Variants in RNF115 observed in about 807,000 individuals in gnomAD.
RNF115 encodes E3 ubiquitin-protein ligase RNF115.
A neutral mutation model predicts 39.2 loss-of-function variants in RNF115; 31 were observed. The observed-to-expected ratio is 0.79, with a 90% CI of 0.59 to 1.07. The LOEUF (loss-of-function observed/expected upper bound fraction) is 1.07. Ranked by LOEUF, RNF115 falls within the 50% of genes least tolerant of loss-of-function variation. The pLI is 0.00. For synonymous variants in RNF115, 124 were observed against 131.0 expected (o/e 0.95, Z 0.37); for missense variants, 384 against 381.7 (o/e 1.01, Z -0.05).
chr1:145,772,034 T>A, intron 3 of RNF115, 115 bp from the exon 4 acceptor site: 1 of 800,636 alleles, frequency 1.2e-6, no homozygotes, highest in South Asian at 1.8e-5. Context: ...TATGTCTTCT[T>A]CTGCAGAGGT....
intron 3 of RNF115, among the ~76,000 whole-genome samples, chr1:145,775,356 TTATAACAATATATAATAA>T (rs1190749090): frequency 6.6e-6 from 1 of 151,784 alleles, no homozygotes; most frequent in Non-Finnish European, 1.5e-5. Context: ...AATAGAACAG[TTATAACAATATATAATAA>T]TAAAAGTTTT....
At chr1:145,765,570 C>G (rs954802080) in intron 4 of RNF115, among the ~76,000 whole-genome samples, 2 of 152,068 alleles carry the variant, frequency 1.3e-5, no homozygotes, top group African/African-American at 2.4e-5. Context: ...CTTTTGATTT[C>G]TTGATACTTG....
intron 4 of RNF115, among the ~76,000 whole-genome samples, chr1:145,755,357 GA>G (rs587712825): frequency 2.6e-3 from 389 of 152,162 alleles, no homozygotes; most frequent in African/African-American, 9.0e-3. Flanking sequence ...ATGTGATGAG[GA>G]ACTGAGTACT....
At chr1:145,764,697 C>T (rs587727160) in intron 4 of RNF115, among the ~76,000 whole-genome samples, 12 of 151,968 alleles carry the variant, frequency 7.9e-5, no homozygotes, top group African/African-American at 2.4e-4. Flanking sequence ...CCACTCGGTC[C>T]GGGAGGGAGG....
chr1:145,794,466 T>C (rs1553719510), intron 1 of RNF115, among the ~76,000 whole-genome samples: 1 of 148,058 alleles, frequency 6.8e-6, no homozygotes, highest in African/African-American at 2.5e-5. Context: ...ACTATTTCCC[T>C]AACTTTCTGC....
In RNF115 at chr1:145,808,985, C is replaced by T. The variant is rs182661351; in HGVS notation, c.102+14787G>A. On this transcript the variant is annotated intron_variant, in intron 1 of 8. Transcript: ENST00000582693. ...TTAAAGTAACTCTGCCTACAAAGCC[C>T]ATCAGCTGTTTATCTGAAAGGCATG... is the stretch of plus-strand genomic sequence containing the variant. Among the ~76,000 whole-genome samples, 12 of 152,210 alleles carry T rather than the reference C, an allele frequency of 7.9e-5. No individual in the cohort carries two copies. The East Asian group carries it at 2.3e-3, about 29-fold the overall frequency.
intron 1 of RNF115, among the ~76,000 whole-genome samples, chr1:145,800,762 C>G (rs930029628): frequency 5.3e-5 from 8 of 152,176 alleles, no homozygotes; most frequent in Non-Finnish European, 1.0e-4. Flanking sequence ...CCAGCTGAAC[C>G]CTGTCAATCC....
intron 4 of RNF115, among the ~76,000 whole-genome samples, chr1:145,764,796 G>A (rs1476198862): frequency 6.6e-6 from 1 of 151,176 alleles, no homozygotes; most frequent in Non-Finnish European, 1.5e-5. Context: ...CATCCGGGAG[G>A]GAGATGGGGG....
intron 1 of RNF115, among the ~76,000 whole-genome samples, chr1:145,804,040 A>T (rs1405270742): frequency 1.3e-5 from 2 of 152,258 alleles, no homozygotes; most frequent in Non-Finnish European, 2.9e-5. Context: ...TGAGCCAAAA[A>T]GTATAGATGT....
intron 6 of RNF115, among the ~76,000 whole-genome samples, 169 bp downstream of exon 6, chr1:145,751,269 G>A (rs1658076349): frequency 6.6e-6 from 1 of 152,180 alleles, no homozygotes; most frequent in Admixed American, 6.5e-5. Flanking sequence ...CATGGATGCT[G>A]AGCTAACCCC....
intron 3 of RNF115, among the ~76,000 whole-genome samples, chr1:145,778,640 C>T (rs782807943): frequency 2.0e-5 from 3 of 152,256 alleles, no homozygotes; most frequent in African/African-American, 7.2e-5. Flanking sequence ...CTCATCACCC[C>T]GAAATGTTTC....
At chr1:145,797,585 C>A (rs1553720300) in intron 1 of RNF115, among the ~76,000 whole-genome samples, 2 of 152,148 alleles carry the variant, frequency 1.3e-5, no homozygotes, top group Non-Finnish European at 2.9e-5. Context: ...TCTTAGCTAT[C>A]CTGAATGTGC....
chr1:145,758,198 T>C (rs1217322680), intron 4 of RNF115, among the ~76,000 whole-genome samples: 2 of 152,050 alleles, frequency 1.3e-5, no homozygotes, highest in African/African-American at 4.8e-5. Context: ...AAAAAGATAT[T>C]ATGGGTTTTT....
At chr1:145,769,913 G>A (rs1647558643) in intron 4 of RNF115, among the ~76,000 whole-genome samples, 1 of 152,142 alleles carries the variant, frequency 6.6e-6, no homozygotes, top group Admixed American at 6.6e-5. Flanking sequence ...AGGCTGAAGT[G>A]GGAGGATTGC....
intron 1 of RNF115, among the ~76,000 whole-genome samples, chr1:145,820,620 C>T (rs186821662): frequency 8.2e-4 from 125 of 152,182 alleles, no homozygotes; most frequent in African/African-American, 2.8e-3. Flanking sequence ...CCTGTAGTCC[C>T]CACTACTTGG....
rs140641796 is a variant in RNF115, at chr1:145,799,842, C to T, written c.103-10876G>A. ...CTCCTGGACTCAAGTGATCCTCCCA[C>T]CTTGGCCTCCCAGAGTGCTGGAATT... On this transcript the variant is annotated intron_variant, in intron 1 of 8. Transcript: ENST00000582693. 5.7e-3 allele frequency among the ~76,000 whole-genome samples: 861 copies of T among 152,166 alleles called. 13 individuals carry two copies. Among genetic ancestry groups the T allele is most frequent in the African/African-American group, 0.02 (818 of 41,500 alleles).
chr1:145,786,493 C>T (rs907036236), intron 2 of RNF115, among the ~76,000 whole-genome samples: 1 of 152,102 alleles, frequency 6.6e-6, no homozygotes, highest in Non-Finnish European at 1.5e-5. Context: ...AAATTGCTAC[C>T]AATAGCACCT....
At chr1:145,787,154 T>C (rs1398205365) in intron 2 of RNF115, 5 of 543,436 alleles carry the variant, frequency 9.2e-6, no homozygotes, top group Non-Finnish European at 1.3e-5. Context: ...ACAGATTCTT[T>C]TTGACCAGTC....
chr1:145,740,265 A>T lies in RNF115; in HGVS notation c.*6601T>A, dbSNP rs938659796. The T allele has an allele frequency of 6.6e-6, 1 of 152,256 alleles. No homozygotes were observed. Among genetic ancestry groups the T allele is most frequent in the Non-Finnish European group, 1.5e-5 (1 of 68,046 alleles). The allele number at this position is 152,256 out of a possible 1,614,324, so 9.4% of individuals were successfully genotyped here. ...CATTGTACTATACTAATTATAGTCC[A>T]CATATAAAAATCTGTGACACATAAT... On this transcript the variant is annotated 3_prime_UTR_variant, in exon 9 of 9. Coordinates refer to ENST00000582693, the MANE Select transcript of RNF115 (RefSeq NM_014455.4).
Sources: allele counts gnomAD v4.1 joint callset (sites outside exome capture counted in the v4.1 genomes callset), GRCh38; gene constraint gnomAD v4.1.1; transcripts MANE v1.5; gene names NCBI Gene and HGNC (gene_info 2026-07-23, HGNC 2026-07-21).